SUMO3: variants seen among roughly 807,000 people sequenced by gnomAD.
The protein encoded by SUMO3 is small ubiquitin like modifier 3.
In SUMO3, 2 loss-of-function variants were observed where a neutral mutation model predicts 11.1. That is an observed-to-expected ratio of 0.18 (90% CI 0.07 to 0.57). SUMO3 has a LOEUF of 0.57. SUMO3 is among the 20% of genes least tolerant of loss of function. The pLI is 0.92. For synonymous variants in SUMO3, 56 were observed against 53.5 expected, an observed-to-expected ratio of 1.05 and a Z score of -0.20; for missense variants, 70 against 132.8, an observed-to-expected ratio of 0.53 and a Z score of 2.32.
At chr21:44,817,114 T>G (rs1352673336) in intron 1 of SUMO3, among the ~76,000 whole-genome samples, 2 of 78,876 alleles carry the variant, frequency 2.5e-5, no homozygotes, top group African/African-American at 5.0e-5. Flanking sequence ...TGGGGACGGG[T>G]GGGCGCACAC....
In SUMO3 at chr21:44,810,158, T is replaced by G. The variant is rs1199871365; in HGVS notation, c.151-1040A>C. Among the ~76,000 whole-genome samples the G allele has an allele frequency of 6.6e-6, 1 of 152,156 alleles. No individual in the cohort carries two copies. The highest frequency in any genetic ancestry group is 1.5e-5 in the Non-Finnish European group (1 of 68,042). On this transcript the variant is annotated intron_variant, in intron 2 of 3. Transcript: ENST00000332859. The surrounding 1 kb of genome is among the most constrained non-coding windows in gnomAD (Gnocchi z 4.1). ...CCTCAACGAGCAGTTTTGATTTAACTGAAACAGGACAGACGGGGTTAAAAC... is the reference window on the plus strand; with the variant it reads ...CCTCAACGAGCAGTTTTGATTTAACGGAAACAGGACAGACGGGGTTAAAAC...
intron 2 of SUMO3, among the ~76,000 whole-genome samples, chr21:44,812,949 G>C (rs1453136671): frequency 6.6e-6 from 1 of 152,256 alleles, no homozygotes; most frequent in Admixed American, 6.5e-5. Context: ...TCACTCTGCT[G>C]GGAAGACCGG....
chr21:44,808,450 TTG>T, intron 3 of SUMO3: 1 of 1,394,384 alleles, frequency 7.2e-7, no homozygotes, highest in East Asian at 2.9e-5. Context: ...GAGGCAGAGC[TTG>T]CACAGTGAGC....
rs769731824 is a variant in SUMO3, at chr21:44,807,182, CCT to C, written c.223-144_223-143del. ...GTCACACCTTGGCTCTTGTCCGTCC[CCT>C]CACTGCAGCTCAGCACGCATGGAAG... On this transcript the variant is annotated intron_variant, in intron 3 of 3. Transcript: ENST00000332859. This position sits in a 1 kb window ranked among gnomAD's most constrained non-coding sequence, Gnocchi z 4.3. 4.4e-5 allele frequency: 44 copies of C among 1,004,672 alleles called. No homozygotes were observed. The highest frequency in any genetic ancestry group is 6.2e-5 in the Non-Finnish European group (43 of 689,708). 62.2% of individuals were successfully genotyped at this position (1,004,672 alleles called of 1,614,324 possible).
chr21:44,810,954 A>T lies in SUMO3; in HGVS notation c.151-1836T>A, dbSNP rs769783367. On this transcript the variant is annotated intron_variant, in intron 2 of 3. Coordinates refer to ENST00000332859, the MANE Select transcript of SUMO3 (RefSeq NM_006936.3). The surrounding 1 kb of genome is among the most constrained non-coding windows in gnomAD (Gnocchi z 4.1). ...TGCCCACACCCACACACATGCACACACCCACACATGCACACCCATGCACAC... is the reference window on the plus strand; with the variant it reads ...TGCCCACACCCACACACATGCACACTCCCACACATGCACACCCATGCACAC... 3.0e-4 allele frequency among the ~76,000 whole-genome samples: 45 copies of T among 150,854 alleles called. No individual in the cohort carries two copies. The highest frequency in any genetic ancestry group is 3.4e-3 in the Middle Eastern group (1 of 290).
In SUMO3 at chr21:44,817,969, G is replaced by A. The variant is rs2083259303; in HGVS notation, c.-1C>T. 3 of 1,181,726 alleles carry A rather than the reference G, an allele frequency of 2.5e-6. No individual in the cohort carries two copies. The highest frequency in any genetic ancestry group is 9.1e-5 in the Admixed American group (2 of 21,918). The allele number at this position is 1,181,726 out of a possible 1,614,324, so 73.2% of individuals were successfully genotyped here. ...TTACCTTGGGCTTCTCCTCGGACATGGCTGCGCGAGCGGCGCGGGGAGGCG... is the reference window on the plus strand; with the variant it reads ...TTACCTTGGGCTTCTCCTCGGACATAGCTGCGCGAGCGGCGCGGGGAGGCG... On this transcript the variant is annotated 5_prime_UTR_variant, in exon 1 of 4. Transcript: ENST00000332859.
intron 1 of SUMO3, among the ~76,000 whole-genome samples, chr21:44,814,679 G>A (rs1376314418): frequency 6.6e-6 from 1 of 152,236 alleles, no homozygotes; most frequent in Non-Finnish European, 1.5e-5. Flanking sequence ...GTGATTTCGG[G>A]AATCCAACTG....
chr21:44,808,929 T>C, intron 3 of SUMO3, 118 bp downstream of exon 3: 1 of 785,562 alleles, frequency 1.3e-6, no homozygotes. Flanking sequence ...ATAATCAATA[T>C]CATTAAGGCA....
At chr21:44,817,844 C>G (rs1423251881) in intron 1 of SUMO3, 104 bp downstream of exon 1, 1 of 173,634 alleles carries the variant, frequency 5.8e-6, no homozygotes, top group Non-Finnish European at 1.2e-5. Context: ...GGGGCGGAGC[C>G]TGTCAGGGGC....
At position 44,806,871 on chromosome 21, in the gene SUMO3, A is replaced by G. The variant is rs1051331; in HGVS notation, c.*80T>C. ...TGAATGTCCTCGAGTTTCCGCAGAC[A>G]CCTTTGTGGTCGGCATGGTCACGTG... On this transcript the variant is annotated 3_prime_UTR_variant, in exon 4 of 4. Transcript: ENST00000332859. The G allele has an allele frequency of 0.16, 246,014 of 1,575,556 alleles. 21,273 individuals are homozygous for G. Among genetic ancestry groups the G allele is most frequent in the African/African-American group, 0.31 (23,114 of 73,878 alleles).
chr21:44,809,039 C>G lies in SUMO3; in HGVS notation c.222+8G>C, dbSNP rs759014236. On this transcript the variant is annotated splice_region_variant and intron_variant, in intron 3 of 3. Transcript: ENST00000332859. ...TCGCCCTGGAACCACGCGAAGCCAGCTCCGTACCTGTGCTGGAGTGTCAGT... is the reference window on the plus strand; with the variant it reads ...TCGCCCTGGAACCACGCGAAGCCAGGTCCGTACCTGTGCTGGAGTGTCAGT... The G allele has an allele frequency of 1.6e-5, 26 of 1,613,890 alleles. No homozygotes were observed. Among genetic ancestry groups the G allele is most frequent in the Non-Finnish European group, 2.1e-5 (25 of 1,179,858 alleles).
At chr21:44,815,163 C>T (rs891078636) in intron 1 of SUMO3, among the ~76,000 whole-genome samples, 1 of 152,240 alleles carries the variant, frequency 6.6e-6, no homozygotes, top group African/African-American at 2.4e-5. Context: ...TTCTCCTTTC[C>T]TTCCCTGGCT....
chr21:44,812,012 C>T (rs1422851357), intron 2 of SUMO3, among the ~76,000 whole-genome samples: 1 of 143,236 alleles, frequency 7.0e-6, no homozygotes, highest in African/African-American at 2.5e-5. Context: ...AACCAAGTTA[C>T]AAACAAAGCA....
intron 1 of SUMO3, among the ~76,000 whole-genome samples, chr21:44,815,126 T>G (rs1322384406): frequency 6.6e-6 from 1 of 152,232 alleles, no homozygotes; most frequent in Non-Finnish European, 1.5e-5. Flanking sequence ...CAGGAAGCAC[T>G]GTACATCACA....
rs2083173611 is a variant in SUMO3 at position 44,805,983 on chromosome 21, A to C, written c.*968T>G. On this transcript the variant is annotated 3_prime_UTR_variant, in exon 4 of 4. Transcript: ENST00000332859. Reference sequence around the variant, plus strand: ...AGCACGGCACAAACCCACGAGAAGAACATGAAGTCATCATTCCATGGGTTC... The same window carrying C: ...AGCACGGCACAAACCCACGAGAAGACCATGAAGTCATCATTCCATGGGTTC... The C allele has an allele frequency of 6.6e-6, 1 of 152,314 alleles. No homozygotes were observed. Among genetic ancestry groups the C allele is most frequent in the Non-Finnish European group, 1.5e-5 (1 of 68,042 alleles). The allele number at this position is 152,314 out of a possible 1,614,324, so 9.4% of individuals were successfully genotyped here.
intron 1 of SUMO3, among the ~76,000 whole-genome samples, chr21:44,815,374 C>A (rs535808828): frequency 6.6e-6 from 1 of 152,116 alleles, no homozygotes; most frequent in Non-Finnish European, 1.5e-5. Flanking sequence ...GCTCCAGCTG[C>A]GAGCCTGAAG....
rs1204324365 is a variant in SUMO3, at chr21:44,806,682, A to G, written c.*269T>C. 23 of 754,192 alleles carry G rather than the reference A, an allele frequency of 3.0e-5. No individual in the cohort carries two copies. Among genetic ancestry groups the G allele is most frequent in the East Asian group, 2.7e-4 (7 of 25,470 alleles). The allele number at this position is 754,192 out of a possible 1,614,324, so 46.7% of individuals were successfully genotyped here. A position where few individuals can be genotyped will look rare whatever the true frequency, so the allele number is the denominator to read the frequency against. On this transcript the variant is annotated 3_prime_UTR_variant, in exon 4 of 4. Coordinates refer to ENST00000332859, the MANE Select transcript of SUMO3 (RefSeq NM_006936.3). ...TAAAAAAATGTTGTAGGAGGGGGGG[A>G]AAACACAAATGAGCACACAAAAGTA... is the stretch of plus-strand genomic sequence containing the variant.
chr21:44,816,360 C>A (rs899898560), intron 1 of SUMO3, among the ~76,000 whole-genome samples: 9 of 152,098 alleles, frequency 5.9e-5, no homozygotes, highest in Non-Finnish European at 1.2e-4. Context: ...CAAAGGTCAC[C>A]CCAAATGCCA....
intron 3 of SUMO3, 186 bp downstream of exon 3, chr21:44,808,861 G>A (rs542880297): frequency 4.3e-6 from 3 of 695,026 alleles, no homozygotes; most frequent in African/African-American, 3.6e-5. Flanking sequence ...AATGATGTCT[G>A]CAAAGCAGTT....
Sources: gnomAD v4.1 joint callset for allele counts (sites outside exome capture counted in the v4.1 genomes callset) on GRCh38, gnomAD v4.1.1 for gene constraint, Gnocchi (gnomAD v3.1) non-coding constraint, MANE v1.5 for transcripts, NCBI Gene and HGNC (gene_info 2026-07-23, HGNC 2026-07-21) for gene names.